The following NTNG1 variants were observed in gnomAD, a reference collection of about 807,000 sequenced individuals.
NTNG1 encodes netrin G1.
Under a neutral mutation model 54.0 loss-of-function variants are expected in NTNG1, and 16 were observed. That is an observed-to-expected ratio of 0.30 (90% confidence interval 0.20 to 0.45). The LOEUF is 0.45. Among genes scored for constraint, NTNG1 ranks in the 20% least tolerant of loss-of-function variants. The probability of loss-of-function intolerance (pLI) is 1.00; values close to 1 mark genes in which losing one functional copy is unlikely to be tolerated. For synonymous variants in NTNG1, 255 were observed against 263.1 expected, an observed-to-expected ratio of 0.97 and a Z score of 0.30; for missense variants, 530 against 678.7, an observed-to-expected ratio of 0.78 and a Z score of 2.43.
chr1:107,363,040 A>G lies in NTNG1; in HGVS notation c.888-32114A>G, dbSNP rs181773553. On this transcript the variant is annotated intron_variant, in intron 3 of 7. Transcript: ENST00000370068. ...GACTGAATTTCTTAGGAACATTTTT[A>G]TATCTTGTCTAATGGATGGTCAGGG... Among the ~76,000 whole-genome samples, 604 of 152,218 alleles carry G rather than the reference A, an allele frequency of 4.0e-3. 1 individual carries two copies. Among genetic ancestry groups the G allele is most frequent in the Non-Finnish European group, 7.4e-3 (502 of 68,012 alleles).
In NTNG1 at chr1:107,148,361, G is replaced by A. The variant is rs1049219360; in HGVS notation, c.-233G>A. The A allele has an allele frequency of 1.9e-5, 9 of 483,462 alleles. No individual in the cohort carries two copies. The highest frequency in any genetic ancestry group is 3.0e-5 in the South Asian group (1 of 33,080). The allele number at this position is 483,462 out of a possible 1,614,324, so 29.9% of individuals were successfully genotyped here. ...TTGTTAACGCCTAACACACAAGTATGTTAGGCTTCCACCAAAGTCCTCAAT... is the reference window on the plus strand; with the variant it reads ...TTGTTAACGCCTAACACACAAGTATATTAGGCTTCCACCAAAGTCCTCAAT... On this transcript the variant is annotated 5_prime_UTR_variant, in exon 2 of 8. It removes an upstream start codon present in the reference 5' UTR. Transcript: ENST00000370068.
chr1:107,186,724 T>C (rs1245264312), intron 2 of NTNG1, among the ~76,000 whole-genome samples: 1 of 152,152 alleles, frequency 6.6e-6, no homozygotes, highest in African/African-American at 2.4e-5. Flanking sequence ...ATTCAGGTCT[T>C]TATGAAGCTC....
intron 3 of NTNG1, among the ~76,000 whole-genome samples, chr1:107,377,130 G>A (rs900020467): frequency 2.6e-5 from 4 of 152,156 alleles, no homozygotes; most frequent in African/African-American, 9.7e-5. Context: ...CCCAGTTTTG[G>A]ACACATACTT....
At chr1:107,317,338 A>T (rs1667391021) in intron 2 of NTNG1, among the ~76,000 whole-genome samples, 1 of 152,170 alleles carries the variant, frequency 6.6e-6, no homozygotes, top group Admixed American at 6.6e-5. Context: ...CTATAAGGTG[A>T]AATACTCTAT....
intron 2 of NTNG1, among the ~76,000 whole-genome samples, chr1:107,263,374 A>G (rs1570529963): frequency 6.7e-6 from 1 of 149,236 alleles, no homozygotes; most frequent in Non-Finnish European, 1.5e-5. Context: ...AGCCTTTACA[A>G]TAGCAGTTTT....
At chr1:107,235,806 T>C (rs1363466786) in intron 2 of NTNG1, among the ~76,000 whole-genome samples, 3 of 152,118 alleles carry the variant, frequency 2.0e-5, no homozygotes, top group East Asian at 1.9e-4. Flanking sequence ...GGGAAGGATA[T>C]TGGGAGATGG....
intron 2 of NTNG1, among the ~76,000 whole-genome samples, chr1:107,243,434 A>G (rs1330046579): frequency 2.6e-5 from 4 of 152,242 alleles, no homozygotes; most frequent in Non-Finnish European, 4.4e-5. Flanking sequence ...ATTGAATGAA[A>G]AAGAAAAGTC....
rs116778268 is a variant in NTNG1 at position 107,442,907 on chromosome 1, G to A, written c.1390+6108G>A. 8.3e-3 allele frequency among the ~76,000 whole-genome samples: 1,260 copies of A among 152,148 alleles called. 19 individuals carry two copies. The highest frequency in any genetic ancestry group is 0.029 in the African/African-American group (1,204 of 41,496). ...GATAGAACAGGGACCATGAATAATG[G>A]AGATGGGTTTCAATTTAGCATTTTC... On this transcript the variant is annotated intron_variant, in intron 7 of 7. Coordinates refer to ENST00000370068, the MANE Select transcript of NTNG1 (RefSeq NM_001113226.3).
intron 3 of NTNG1, among the ~76,000 whole-genome samples, chr1:107,387,150 A>G (rs1028917899): frequency 6.6e-6 from 1 of 152,232 alleles, no homozygotes; most frequent in African/African-American, 2.4e-5. Flanking sequence ...AAACATAAAT[A>G]CCATTTTAAA....
At chr1:107,164,341 A>G (rs987049121) in intron 2 of NTNG1, among the ~76,000 whole-genome samples, 1 of 152,178 alleles carries the variant, frequency 6.6e-6, no homozygotes, top group African/African-American at 2.4e-5. Flanking sequence ...GACTCATACT[A>G]CATTCTGGAA....
chr1:107,466,758 T>C (rs1450684472), intron 7 of NTNG1, among the ~76,000 whole-genome samples: 1 of 152,210 alleles, frequency 6.6e-6, no homozygotes, highest in Non-Finnish European at 1.5e-5. Context: ...TTCTCTCTGC[T>C]GCTGGATCTG....
Position 107,348,378 on chromosome 1 carries a change from G to A in NTNG1, c.887+23456G>A, listed in dbSNP as rs948627916. 3.1e-4 allele frequency among the ~76,000 whole-genome samples: 47 copies of A among 152,018 alleles called. 3 individuals carry two copies. Among genetic ancestry groups the A allele is most frequent in the Admixed American group, 1.3e-4 (2 of 15,260 alleles). ...TGACTTCAAGTGATATGCTCACCTC[G>A]GCCTCCCTAAATGCTAGGATTACAG... is the stretch of plus-strand genomic sequence containing the variant. On this transcript the variant is annotated intron_variant, in intron 3 of 7. Transcript: ENST00000370068.
chr1:107,363,112 C>T (rs1670391168), intron 3 of NTNG1, among the ~76,000 whole-genome samples: 1 of 152,140 alleles, frequency 6.6e-6, no homozygotes, highest in South Asian at 2.1e-4. Context: ...GAATTACAGG[C>T]AGGTTTTTTC....
intron 2 of NTNG1, among the ~76,000 whole-genome samples, chr1:107,158,531 T>C (rs1227260521): frequency 6.6e-6 from 1 of 152,160 alleles, no homozygotes; most frequent in Non-Finnish European, 1.5e-5. Context: ...TTGATGTCCA[T>C]TGAGAAGTCC....
intron 2 of NTNG1, among the ~76,000 whole-genome samples, chr1:107,261,615 G>A (rs938025029): frequency 4.6e-5 from 7 of 152,284 alleles, no homozygotes; most frequent in South Asian, 2.1e-4. Context: ...AGGCCGAGGC[G>A]GGCAGATCAC....
At chr1:107,277,931 C>A (rs1164786241) in intron 2 of NTNG1, among the ~76,000 whole-genome samples, 1 of 152,144 alleles carries the variant, frequency 6.6e-6, no homozygotes, top group Non-Finnish European at 1.5e-5. Flanking sequence ...AAAACCCAAT[C>A]GTTATTTCAT....
intron 2 of NTNG1, among the ~76,000 whole-genome samples, chr1:107,229,122 C>T (rs1660882384): frequency 6.6e-6 from 1 of 151,820 alleles, no homozygotes; most frequent in Non-Finnish European, 1.5e-5. Context: ...TGGAACTGCT[C>T]ATATTGAGCA....
At chr1:107,373,891 AG>A (rs772623119) in intron 3 of NTNG1, among the ~76,000 whole-genome samples, 24 of 151,956 alleles carry the variant, frequency 1.6e-4, no homozygotes, top group Non-Finnish European at 2.8e-4. Flanking sequence ...TTGTAAAGAC[AG>A]GGTCTTGCTT....
intron 7 of NTNG1, among the ~76,000 whole-genome samples, chr1:107,467,144 G>A (rs958762772): frequency 6.6e-6 from 1 of 151,518 alleles, no homozygotes; most frequent in Non-Finnish European, 1.5e-5. Context: ...TTTTTAATAA[G>A]AGCTCTTGTT....
Sources: allele counts gnomAD v4.1 joint callset (sites outside exome capture counted in the v4.1 genomes callset), GRCh38; gene constraint gnomAD v4.1.1; transcripts MANE v1.5; gene names NCBI Gene and HGNC (gene_info 2026-07-23, HGNC 2026-07-21).